Variants in CCDC3 observed in about 807,000 individuals in gnomAD.
The protein encoded by CCDC3 is coiled-coil domain containing 3.
A neutral mutation model predicts 21.4 loss-of-function variants in CCDC3; 24 were observed. The observed-to-expected ratio is 1.12, with a 90% CI of 0.81 to 1.58. The LOEUF is 1.58. Ranked by LOEUF, CCDC3 falls within the 40% of genes most tolerant of loss-of-function variation. CCDC3 has a pLI of 0.00. For synonymous variants in CCDC3, 186 were observed against 166.0 expected (o/e 1.12, Z -0.93); for missense variants, 425 against 360.9 (o/e 1.18, Z -1.44).
At chr10:13,019,462 C>T (rs534016151) in intron 5 of CCDC3, among the ~76,000 whole-genome samples, 3 of 152,120 alleles carry the variant, frequency 2.0e-5, no homozygotes, top group South Asian at 2.1e-4. Flanking sequence ...TGGTTTTTCA[C>T]GTGCACACAG....
intron 3 of CCDC3, among the ~76,000 whole-genome samples, chr10:13,076,950 A>C (rs1031186693): frequency 6.6e-6 from 1 of 152,172 alleles, no homozygotes; most frequent in Non-Finnish European, 1.5e-5. Flanking sequence ...AAACTGGCAC[A>C]AGAGAGGGAT....
intron 4 of CCDC3, among the ~76,000 whole-genome samples, chr10:13,062,873 A>G (rs12261949): frequency 0.74 from 111,714 of 151,616 alleles, 41,288 homozygotes; most frequent in Admixed American, 0.79. Flanking sequence ...TTGATGGATC[A>G]TCTGACACTA....
At chr10:12,965,226 C>T (rs962325692) in intron 2 of CCDC3, among the ~76,000 whole-genome samples, 1 of 152,152 alleles carries the variant, frequency 6.6e-6, no homozygotes, top group African/African-American at 2.4e-5. Context: ...CCTTCTAAAT[C>T]TCACTGTTTT....
chr10:13,038,677 T>C (rs1481292648), intron 5 of CCDC3, among the ~76,000 whole-genome samples: 1 of 152,176 alleles, frequency 6.6e-6, no homozygotes, highest in African/African-American at 2.4e-5. Flanking sequence ...TGTCTTGGTA[T>C]TTACAGACAG....
At chr10:12,928,560 G>C in intron 2 of CCDC3, among the ~76,000 whole-genome samples, 1 of 152,134 alleles carries the variant, frequency 6.6e-6, no homozygotes, top group East Asian at 1.9e-4. Context: ...TCTTCAACAA[G>C]ACAGGTCTGA....
intron 2 of CCDC3, among the ~76,000 whole-genome samples, chr10:12,994,957 T>G (rs991398016): frequency 2.0e-5 from 3 of 151,970 alleles, no homozygotes; most frequent in African/African-American, 2.4e-5. Flanking sequence ...GGCACATACC[T>G]GTAATCCCAA....
chr10:12,901,730 T>C (rs1834095607), intron 2 of CCDC3, among the ~76,000 whole-genome samples: 1 of 152,226 alleles, frequency 6.6e-6, no homozygotes, highest in African/African-American at 2.4e-5. Context: ...TTAGCCGTGA[T>C]TATAGGATAG....
intron 2 of CCDC3, among the ~76,000 whole-genome samples, chr10:12,995,504 T>G (rs1159921694): frequency 1.3e-5 from 2 of 152,130 alleles, no homozygotes; most frequent in Non-Finnish European, 2.9e-5. Context: ...GGCCTCCCAA[T>G]GTGCTGGGAA....
intron 2 of CCDC3, among the ~76,000 whole-genome samples, chr10:12,899,476 T>C (rs1480261468): frequency 2.6e-5 from 4 of 152,202 alleles, no homozygotes; most frequent in Non-Finnish European, 2.9e-5. Context: ...ATAAATACTC[T>C]CATATGTGCA....
intron 2 of CCDC3, among the ~76,000 whole-genome samples, chr10:12,928,676 C>T (rs560520556): frequency 6.6e-6 from 1 of 152,322 alleles, no homozygotes; most frequent in East Asian, 1.9e-4. Context: ...AGCCTGCCCA[C>T]ATTGCCTCCC....
rs201286626 is a variant in CCDC3, at chr10:12,898,522, C to A, written c.707G>T (p.Arg236Leu). The change falls in exon 3 of 3, where the codon CGC becomes CTC. Residue 236 changes from arginine to leucine, a missense_variant. Physicochemically the swap from Arg to Leu is moderately radical, Grantham distance 102 (BLOSUM62 -2). Transcript: ENST00000378825. ...RSLRQARKKG[R>L]HLELANQKLS... is the part of the protein sequence containing the mutation. ...TTTCTGGTTCGCCAGCTCCAGGTGG[C>A]GGCCCTTCTTACGCGCCTGCCGCAA... is the stretch of plus-strand genomic sequence containing the variant. The A allele has an allele frequency of 6.2e-7, 1 of 1,614,054 alleles. No homozygotes were observed. Among genetic ancestry groups the A allele is most frequent in the Non-Finnish European group, 8.5e-7 (1 of 1,180,028 alleles).
chr10:12,913,185 A>T (rs1331909843), intron 2 of CCDC3, among the ~76,000 whole-genome samples: 1 of 152,234 alleles, frequency 6.6e-6, no homozygotes, highest in East Asian at 1.9e-4. Context: ...CTGGTAGTAT[A>T]GACACTTTAA....
At chr10:13,062,107 T>C (rs529022458) in intron 4 of CCDC3, among the ~76,000 whole-genome samples, 3 of 152,272 alleles carry the variant, frequency 2.0e-5, no homozygotes, top group African/African-American at 2.4e-5. Flanking sequence ...AGTAGCAATA[T>C]GTAGGGTTAA....
intron 2 of CCDC3, among the ~76,000 whole-genome samples, chr10:12,899,232 T>C (rs1031479126): frequency 3.3e-5 from 5 of 152,162 alleles, no homozygotes; most frequent in African/African-American, 9.7e-5. Flanking sequence ...CCAGTATCTC[T>C]TAAACGCATG....
At chr10:12,901,745 A>C (rs1220134254) in intron 2 of CCDC3, among the ~76,000 whole-genome samples, 1 of 152,230 alleles carries the variant, frequency 6.6e-6, no homozygotes, top group Non-Finnish European at 1.5e-5. Context: ...GGATAGAGTC[A>C]AATCTCCTAA....
At chr10:12,939,359 A>G (rs1351946633) in intron 2 of CCDC3, among the ~76,000 whole-genome samples, 1 of 152,234 alleles carries the variant, frequency 6.6e-6, no homozygotes, top group Admixed American at 6.5e-5. Flanking sequence ...GGCTGGGTGC[A>G]GTGGCTCACG....
chr10:12,939,910 G>A (rs980929518), intron 2 of CCDC3, among the ~76,000 whole-genome samples: 1 of 152,146 alleles, frequency 6.6e-6, no homozygotes, highest in South Asian at 2.1e-4. Flanking sequence ...CTAATTCTAA[G>A]AATTTTCTGA....
chr10:13,035,768 G>T (rs1420156283), intron 5 of CCDC3, among the ~76,000 whole-genome samples: 1 of 152,208 alleles, frequency 6.6e-6, no homozygotes, highest in Non-Finnish European at 1.5e-5. Context: ...TCAGAAAATA[G>T]ACTTGAATAG....
intron 2 of CCDC3, among the ~76,000 whole-genome samples, chr10:12,901,999 GTA>G (rs1255977283): frequency 2.0e-5 from 3 of 152,128 alleles, no homozygotes; most frequent in Non-Finnish European, 4.4e-5. Flanking sequence ...GTCTCCCTGT[GTA>G]TGTAATGTGT....
Sources: allele counts gnomAD v4.1 joint callset (sites outside exome capture counted in the v4.1 genomes callset), GRCh38; gene constraint gnomAD v4.1.1; transcripts MANE v1.5; gene names NCBI Gene and HGNC (gene_info 2026-07-23, HGNC 2026-07-21).